Variants in NTF3 observed in about 807,000 individuals in gnomAD.
NTF3 encodes the protein neurotrophin-3.
Under a neutral mutation model 26.3 loss-of-function variants are expected in NTF3, and 8 were observed. That is an observed-to-expected ratio of 0.30 (90% CI 0.18 to 0.55). The LOEUF (loss-of-function observed/expected upper bound fraction) is 0.55. Among genes scored for constraint, NTF3 ranks in the 20% least tolerant of loss-of-function variants. The pLI is 0.93. For missense variants in NTF3, 276 were observed against 352.9 expected (o/e 0.78, Z 1.75); for synonymous variants, 154 against 145.5 (o/e 1.06, Z -0.42).
intron 1 of NTF3, among the ~76,000 whole-genome samples, chr12:5,448,444 G>A (rs1940333161): frequency 6.6e-6 from 1 of 152,146 alleles, no homozygotes; most frequent in Admixed American, 6.5e-5. Flanking sequence ...TGCCTCGGAT[G>A]TGGCTTCCGT....
chr12:5,480,748 G>A (rs569117477), intron 1 of NTF3, among the ~76,000 whole-genome samples: 162 of 134,136 alleles, frequency 1.2e-3, no homozygotes, highest in African/African-American at 4.3e-3. Flanking sequence ...GAGAGTGACC[G>A]ACATATGGAA....
chr12:5,484,564 T>C (rs561507227), intron 1 of NTF3, among the ~76,000 whole-genome samples: 1 of 152,338 alleles, frequency 6.6e-6, no homozygotes, highest in East Asian at 1.9e-4. Context: ...GCAGAAGGAT[T>C]CCTTAGCATT....
At chr12:5,432,846 G>A (rs987765434) in intron 1 of NTF3, among the ~76,000 whole-genome samples, 1 of 152,036 alleles carries the variant, frequency 6.6e-6, no homozygotes, top group South Asian at 2.1e-4. Flanking sequence ...ATAACAAAAG[G>A]GGGTGGCAGA....
intron 1 of NTF3, among the ~76,000 whole-genome samples, chr12:5,439,201 T>A (rs1161210095): frequency 2.0e-5 from 3 of 152,212 alleles, no homozygotes; most frequent in African/African-American, 7.2e-5. Context: ...TGATGGATGA[T>A]GATGATGATG....
chr12:5,474,567 G>A (rs771368025), intron 1 of NTF3, among the ~76,000 whole-genome samples: 4 of 152,208 alleles, frequency 2.6e-5, no homozygotes, highest in Non-Finnish European at 5.9e-5. Context: ...GGAGCCAGAC[G>A]ATGAAGGGCA....
intron 1 of NTF3, among the ~76,000 whole-genome samples, chr12:5,463,409 G>C (rs1940547920): frequency 6.6e-6 from 1 of 152,132 alleles, no homozygotes; most frequent in Non-Finnish European, 1.5e-5. Context: ...AGCTACAAAA[G>C]AGATCATGAA....
intron 1 of NTF3, among the ~76,000 whole-genome samples, chr12:5,460,729 T>C (rs943097907): frequency 9.9e-5 from 15 of 152,204 alleles, no homozygotes; most frequent in African/African-American, 3.6e-4. Flanking sequence ...TTTAACCTCA[T>C]TCTCCCCTCT....
chr12:5,451,133 C>T (rs1293691481), intron 1 of NTF3, among the ~76,000 whole-genome samples: 2 of 152,180 alleles, frequency 1.3e-5, no homozygotes, highest in Non-Finnish European at 2.9e-5. Flanking sequence ...AGCATGGCCA[C>T]AGTAAGCTAC....
intron 1 of NTF3, among the ~76,000 whole-genome samples, chr12:5,466,811 C>T (rs1940595762): frequency 6.6e-6 from 1 of 152,212 alleles, no homozygotes; most frequent in African/African-American, 2.4e-5. Context: ...TGACAGCCAT[C>T]TGCCCTGAGA....
intron 1 of NTF3, among the ~76,000 whole-genome samples, chr12:5,493,778 G>A (rs894835632): frequency 2.0e-5 from 3 of 152,134 alleles, no homozygotes; most frequent in Non-Finnish European, 2.9e-5. Context: ...CAAGGCCACC[G>A]CTGCTGCTGC....
chr12:5,476,789 G>A (rs1311542958), intron 1 of NTF3, among the ~76,000 whole-genome samples: 3 of 152,158 alleles, frequency 2.0e-5, no homozygotes, highest in African/African-American at 7.2e-5. Context: ...TTTTGTTTAG[G>A]TAGAATTGTA....
intron 1 of NTF3, among the ~76,000 whole-genome samples, chr12:5,454,122 G>A (rs1215445398): frequency 6.6e-6 from 1 of 152,176 alleles, no homozygotes; most frequent in Non-Finnish European, 1.5e-5. Context: ...CTGGAGGCCA[G>A]AAGTCCAAGA....
chr12:5,431,099 A>G (rs1940081009), upstream of NTF3, among the ~76,000 whole-genome samples: 1 of 152,044 alleles, frequency 6.6e-6, no homozygotes, highest in Admixed American at 6.5e-5. Flanking sequence ...AATTATCTCC[A>G]AATAAGAGAT....
chr12:5,481,270 G>A (rs938169932), intron 1 of NTF3, among the ~76,000 whole-genome samples: 10 of 151,946 alleles, frequency 6.6e-5, no homozygotes, highest in Admixed American at 2.6e-4. Context: ...CAAAGGGGAG[G>A]CTGGGAGTAG....
rs1359272813 is a variant in NTF3, at chr12:5,432,111, CAG to C, written c.-211_-210del. Reference sequence around the variant, plus strand: ...CCGCGCAGATTCTGTTCACGGGACTCAGAGTTGAAGCTCCTCTCCCTTCCGAA... The same window carrying C: ...CCGCGCAGATTCTGTTCACGGGACTCAGTTGAAGCTCCTCTCCCTTCCGAA... On this transcript the variant is annotated 5_prime_UTR_variant, in exon 1 of 2. Coordinates refer to ENST00000423158, the MANE Select transcript of NTF3 (RefSeq NM_001102654.2). 1 of 633,330 alleles carries C rather than the reference CAG, an allele frequency of 1.6e-6. No individual in the cohort carries two copies. Among genetic ancestry groups the C allele is most frequent in the East Asian group, 2.8e-5 (1 of 35,788 alleles). The allele number at this position is 633,330 out of a possible 1,614,324, so 39.2% of individuals were successfully genotyped here. A position where few individuals can be genotyped will look rare whatever the true frequency, so the allele number is the denominator to read the frequency against.
intron 1 of NTF3, among the ~76,000 whole-genome samples, chr12:5,481,340 A>ATACACAC (rs1940790018): frequency 6.6e-6 from 1 of 151,788 alleles, no homozygotes; most frequent in Non-Finnish European, 1.5e-5. Context: ...TCCCTTGCCC[A>ATACACAC]GCACACCACG....
chr12:5,455,961 AC>A (rs766675558), intron 1 of NTF3, among the ~76,000 whole-genome samples: 4 of 152,036 alleles, frequency 2.6e-5, no homozygotes, highest in Non-Finnish European at 5.9e-5. Context: ...ATGATCGCCC[AC>A]CCCAGCCCAG....
chr12:5,458,194 A>G (rs571150301), intron 1 of NTF3, among the ~76,000 whole-genome samples: 1 of 152,206 alleles, frequency 6.6e-6, no homozygotes, highest in South Asian at 2.1e-4. Context: ...CCTCTGAGCC[A>G]CAGCACCTGG....
At chr12:5,470,531 C>T (rs368324020) in intron 1 of NTF3, among the ~76,000 whole-genome samples, 194 of 152,312 alleles carry the variant, frequency 1.3e-3, no homozygotes, top group African/African-American at 4.4e-3. Flanking sequence ...GGCTGTAACC[C>T]GAGTGAGCCA....
Sources: gnomAD v4.1 joint callset for allele counts (sites outside exome capture counted in the v4.1 genomes callset) on GRCh38, gnomAD v4.1.1 for gene constraint, MANE v1.5 for transcripts, NCBI Gene and HGNC (gene_info 2026-07-23, HGNC 2026-07-21) for gene names.